PDE10A: variants seen among roughly 807,000 people sequenced by gnomAD.
PDE10A encodes the protein phosphodiesterase 10A, also known as cAMP and cAMP-inhibited cGMP 3',5'-cyclic phosphodiesterase 10A.
A neutral mutation model predicts 97.7 loss-of-function variants in PDE10A; 39 were observed. That is an observed-to-expected ratio of 0.40 (90% CI 0.31 to 0.52). PDE10A has a LOEUF of 0.52. PDE10A is among the 20% of genes least tolerant of loss of function. The pLI, the probability that PDE10A is intolerant of heterozygous loss-of-function variation, is 0.56. For missense variants in PDE10A, 731 were observed against 1,047.8 expected (o/e 0.70, Z 4.17); for synonymous variants, 371 against 376.8 (o/e 0.98, Z 0.18).
chr6:165,345,457 C>T (rs962255458), intron 18 of PDE10A, among the ~76,000 whole-genome samples: 3 of 152,186 alleles, frequency 2.0e-5, no homozygotes, highest in African/African-American at 7.2e-5. Flanking sequence ...AGTTAGATGG[C>T]CATGGCTATA....
At chr6:165,524,898 C>A (rs779815932) in intron 2 of PDE10A, among the ~76,000 whole-genome samples, 6 of 152,166 alleles carry the variant, frequency 3.9e-5, no homozygotes, top group Middle Eastern at 3.2e-3. Flanking sequence ...CTCTGAGGAA[C>A]CTTTTTTGCC....
At chr6:165,737,705 G>A (rs989514200) in intron 1 of PDE10A, among the ~76,000 whole-genome samples, 2 of 152,170 alleles carry the variant, frequency 1.3e-5, no homozygotes, top group Non-Finnish European at 2.9e-5. Flanking sequence ...CACACTTAGT[G>A]GTGAAAAGCA....
intron 1 of PDE10A, among the ~76,000 whole-genome samples, chr6:165,828,004 A>C (rs1313995256): frequency 1.3e-5 from 2 of 152,214 alleles, no homozygotes; most frequent in African/African-American, 4.8e-5. Flanking sequence ...GCCCCACAGA[A>C]TCTGTTCTAG....
intron 2 of PDE10A, among the ~76,000 whole-genome samples, chr6:165,500,335 CAT>C (rs1405028365): frequency 6.6e-6 from 1 of 152,080 alleles, no homozygotes. Flanking sequence ...AAGAAGTAGA[CAT>C]AAGAGACTCC....
intron 1 of PDE10A, among the ~76,000 whole-genome samples, chr6:165,598,776 T>G (rs1786756022): frequency 6.6e-6 from 1 of 152,182 alleles, no homozygotes; most frequent in African/African-American, 2.4e-5. Context: ...TTATAAATTT[T>G]CAAATAAATT....
intron 18 of PDE10A, among the ~76,000 whole-genome samples, chr6:165,361,826 T>C (rs956310620): frequency 6.6e-6 from 1 of 152,226 alleles, no homozygotes; most frequent in Non-Finnish European, 1.5e-5. Context: ...TGCCGGTACC[T>C]TGATTTCAGA....
intron 18 of PDE10A, among the ~76,000 whole-genome samples, chr6:165,370,197 CATA>C (rs1327118495): frequency 6.6e-6 from 1 of 151,644 alleles, no homozygotes; most frequent in Non-Finnish European, 1.5e-5. Context: ...CAGCCAACAT[CATA>C]ATGACAGGAT....
At position 165,663,080 on chromosome 6, in the gene PDE10A, G is replaced by A. The variant is rs377725423; in HGVS notation, c.-269C>T. On this transcript the variant is annotated 5_prime_UTR_variant, in exon 1 of 22. Transcript: ENST00000539869. ...GCGCGCACAATCGGCGTCCTCCCGGGCCGGGGCTAGGGACGGCGGAGACCC... is the reference window on the plus strand; with the variant it reads ...GCGCGCACAATCGGCGTCCTCCCGGACCGGGGCTAGGGACGGCGGAGACCC... 2.6e-5 allele frequency among the ~76,000 whole-genome samples: 4 copies of A among 151,930 alleles called. No individual in the cohort carries two copies. In the East Asian group the frequency reaches 7.8e-4, roughly 30 times the overall value.
chr6:165,423,845 T>A (rs569121026), intron 10 of PDE10A, among the ~76,000 whole-genome samples: 1 of 130,822 alleles, frequency 7.6e-6, no homozygotes, highest in African/African-American at 2.9e-5. Flanking sequence ...CGAGACTATG[T>A]CTCAGGAAAA....
chr6:165,712,769 A>C (rs902443791), intron 1 of PDE10A, among the ~76,000 whole-genome samples: 18 of 149,710 alleles, frequency 1.2e-4, no homozygotes, highest in African/African-American at 4.5e-4. Flanking sequence ...CCTCCGGAGC[A>C]TCTGGGACTA....
chr6:165,388,230 C>A lies in PDE10A; in HGVS notation c.2610+68G>T. 1 of 1,444,974 alleles carries A rather than the reference C, an allele frequency of 6.9e-7. No individual in the cohort carries two copies. The highest frequency in any genetic ancestry group is 1.7e-5 in the Admixed American group (1 of 58,276). The allele number at this position is 1,444,974 out of a possible 1,614,324, so 89.5% of individuals were successfully genotyped here. On this transcript the variant is annotated intron_variant, in intron 17 of 21. Coordinates refer to ENST00000539869, the MANE Select transcript of PDE10A (RefSeq NM_001385079.1). The surrounding 1 kb of genome is among the most constrained non-coding windows in gnomAD (Gnocchi z 4.0). The stretch of plus-strand genomic sequence containing the variant: ...AAGCCATAATGATCTTCCTTTTCCA[C>A]CTATGAAGTATCCCTATCTCCCAGA...
At chr6:165,548,185 G>C (rs553274408) in intron 1 of PDE10A, among the ~76,000 whole-genome samples, 3 of 148,452 alleles carry the variant, frequency 2.0e-5, no homozygotes, top group Admixed American at 6.8e-5. Flanking sequence ...ATCTCCAAAA[G>C]ATAAAACTAT....
chr6:165,939,526 T>C (rs541617758), intron 1 of PDE10A: 3 of 152,372 alleles, frequency 2.0e-5, no homozygotes, highest in African/African-American at 7.2e-5. Context: ...CAATGGTTTT[T>C]GGTTACATGG....
Position 165,334,676 on chromosome 6 carries a change from C to T in PDE10A, c.3065+1447G>A, listed in dbSNP as rs147148384. Among the ~76,000 whole-genome samples the T allele has an allele frequency of 3.0e-3, 453 of 152,310 alleles. 2 individuals are homozygous for T. The highest frequency in any genetic ancestry group is 6.8e-3 in the Middle Eastern group (2 of 294). On this transcript the variant is annotated intron_variant, in intron 21 of 21. Coordinates refer to ENST00000539869, the MANE Select transcript of PDE10A (RefSeq NM_001385079.1). ...CCTTCAAGAATGATCTGGCCTCACA[C>T]TCCATATTGCCCATTATGACTTAGG...
chr6:165,947,859 G>A (rs181161672), intron 1 of PDE10A, among the ~76,000 whole-genome samples: 18 of 152,080 alleles, frequency 1.2e-4, no homozygotes, highest in Admixed American at 4.6e-4. Context: ...CCCCCGACCT[G>A]GAATTATCCA....
At chr6:165,568,404 A>G (rs1784897906) in intron 1 of PDE10A, among the ~76,000 whole-genome samples, 1 of 152,202 alleles carries the variant, frequency 6.6e-6, no homozygotes. Flanking sequence ...CAAAAATATT[A>G]AATGGAAAAT....
chr6:165,459,331 ATTCC>A (rs1778153250), intron 3 of PDE10A, among the ~76,000 whole-genome samples: 2 of 152,094 alleles, frequency 1.3e-5, no homozygotes, highest in South Asian at 4.1e-4. Context: ...CGTCCTAATG[ATTCC>A]TTCAACACTT....
chr6:165,707,520 G>T (rs1791743848), intron 1 of PDE10A, among the ~76,000 whole-genome samples: 1 of 152,182 alleles, frequency 6.6e-6, no homozygotes, highest in African/African-American at 2.4e-5. Context: ...GTGTCAGGTG[G>T]CTACCAATTG....
chr6:165,404,851 AAAAACAAAAC>A (rs59508942), intron 13 of PDE10A, among the ~76,000 whole-genome samples: 1 of 150,974 alleles, frequency 6.6e-6, no homozygotes, highest in Non-Finnish European at 1.5e-5. Flanking sequence ...ACCAAAATGC[AAAAACAAAAC>A]AAAACAAAAC....
Sources: gnomAD v4.1 joint callset for allele counts (sites outside exome capture counted in the v4.1 genomes callset) on GRCh38, gnomAD v4.1.1 for gene constraint, Gnocchi (gnomAD v3.1) non-coding constraint, MANE v1.5 for transcripts, NCBI Gene and HGNC (gene_info 2026-07-23, HGNC 2026-07-21) for gene names.